CDK8: variants seen among roughly 807,000 people sequenced by gnomAD.
CDK8 encodes the protein cyclin dependent kinase 8, also known as cyclin-dependent kinase 8.
In CDK8, 29 loss-of-function variants were observed where a neutral mutation model predicts 71.5. That is an observed-to-expected ratio of 0.41 (90% CI 0.30 to 0.55). The LOEUF (loss-of-function observed/expected upper bound fraction) is 0.55. Ranked by LOEUF, CDK8 falls within the 20% of genes least tolerant of loss-of-function variation. CDK8 has a pLI of 0.37. For synonymous variants in CDK8, 161 were observed against 192.1 expected (o/e 0.84, Z 1.34); for missense variants, 288 against 572.6 (o/e 0.50, Z 5.07).
chr13:26,284,109 A>G (rs865876916), intron 1 of CDK8, among the ~76,000 whole-genome samples: 2 of 152,208 alleles, frequency 1.3e-5, no homozygotes, highest in Non-Finnish European at 2.9e-5. Context: ...ATAGTGACAC[A>G]ACTTACCAAA....
intron 5 of CDK8, among the ~76,000 whole-genome samples, chr13:26,384,704 C>A (rs1875392817): frequency 6.6e-6 from 1 of 152,092 alleles, no homozygotes; most frequent in South Asian, 2.1e-4. Flanking sequence ...AAAAAAAATA[C>A]TGTGATTCCT....
intron 1 of CDK8, among the ~76,000 whole-genome samples, chr13:26,272,232 C>G (rs1161613931): frequency 6.6e-6 from 1 of 151,890 alleles, no homozygotes; most frequent in East Asian, 1.9e-4. Context: ...TGGGTCACAC[C>G]TGTAATCCCA....
At chr13:26,339,728 T>TTTA (rs1373410953) in intron 2 of CDK8, among the ~76,000 whole-genome samples, 2 of 116,428 alleles carry the variant, frequency 1.7e-5, no homozygotes, top group Non-Finnish European at 3.7e-5. Context: ...TATTTATTTA[T>TTTA]TTTATTTATA....
intron 1 of CDK8, among the ~76,000 whole-genome samples, chr13:26,279,620 C>T (rs1418325803): frequency 6.6e-6 from 1 of 151,800 alleles, no homozygotes; most frequent in Non-Finnish European, 1.5e-5. Flanking sequence ...GTGGTAGTGG[C>T]GTAGGGATTC....
At chr13:26,397,261 T>A (rs1469854552) in intron 9 of CDK8, 36 bp downstream of exon 9, 2 of 1,349,962 alleles carry the variant, frequency 1.5e-6, no homozygotes, top group Non-Finnish European at 2.1e-6. Context: ...GAAATGCATT[T>A]TTTCCTTAAT....
rs1007561495 is a variant in CDK8, at chr13:26,404,511, C to T, written c.*430C>T. On this transcript the variant is annotated 3_prime_UTR_variant, in exon 13 of 13. Transcript: ENST00000381527. ...AAGTTTAACTGGTACTTGAAACATA[C>T]AGTATATGTTAACGAAATAACCAAG... 7 of 237,150 alleles carry T rather than the reference C, an allele frequency of 3.0e-5. No individual in the cohort carries two copies. The highest frequency in any genetic ancestry group is 5.4e-5 in the Admixed American group (1 of 18,666). The allele number at this position is 237,150 out of a possible 1,614,324, so 14.7% of individuals were successfully genotyped here.
At chr13:26,370,231 C>G (rs1425330184) in intron 4 of CDK8, among the ~76,000 whole-genome samples, 1 of 152,164 alleles carries the variant, frequency 6.6e-6, no homozygotes, top group Non-Finnish European at 1.5e-5. Context: ...ACCATTATCA[C>G]CTGTAAATAC....
intron 4 of CDK8, among the ~76,000 whole-genome samples, chr13:26,360,789 A>G (rs1486182992): frequency 6.6e-6 from 1 of 152,204 alleles, no homozygotes; most frequent in Non-Finnish European, 1.5e-5. Context: ...GCATATCTAC[A>G]GACACATGCA....
intron 1 of CDK8, among the ~76,000 whole-genome samples, chr13:26,283,675 G>A (rs111820439): frequency 0.063 from 9,651 of 152,028 alleles, 993 homozygotes; most frequent in African/African-American, 0.22. Context: ...TGAGGCGGGC[G>A]GATCACAAGG....
chr13:26,333,574 G>C (rs1942743471), intron 1 of CDK8, among the ~76,000 whole-genome samples: 1 of 152,208 alleles, frequency 6.6e-6, no homozygotes, highest in South Asian at 2.1e-4. Flanking sequence ...GGCAGAGATA[G>C]TGACACTTTT....
chr13:26,290,676 A>C (rs1873251413), intron 1 of CDK8, among the ~76,000 whole-genome samples: 1 of 152,168 alleles, frequency 6.6e-6, no homozygotes, highest in Non-Finnish European at 1.5e-5. Flanking sequence ...CGTTGAAGTG[A>C]GTTGAGATAC....
chr13:26,258,064 C>A (rs1391770412), intron 1 of CDK8, among the ~76,000 whole-genome samples: 1 of 152,112 alleles, frequency 6.6e-6, no homozygotes, highest in Non-Finnish European at 1.5e-5. Context: ...ACTTTACATT[C>A]ATCATCTAGT....
At chr13:26,392,406 C>T (rs1365442989) in intron 6 of CDK8, among the ~76,000 whole-genome samples, 1 of 147,168 alleles carries the variant, frequency 6.8e-6, no homozygotes, top group African/African-American at 2.5e-5. Context: ...CGGCTCACTG[C>T]AGCCTCTGCC....
chr13:26,392,742 A>C (rs906163072), intron 6 of CDK8, among the ~76,000 whole-genome samples: 6 of 152,190 alleles, frequency 3.9e-5, no homozygotes, highest in African/African-American at 1.4e-4. Flanking sequence ...CTTTGGAAAA[A>C]AAACTTTGTT....
chr13:26,257,673 A>G (rs149629815), intron 1 of CDK8, among the ~76,000 whole-genome samples: 195 of 152,286 alleles, frequency 1.3e-3, no homozygotes, highest in African/African-American at 3.7e-3. Context: ...ATTTTGTTTT[A>G]AAGAGTAAGA....
At chr13:26,279,341 A>G (rs1461192542) in intron 1 of CDK8, among the ~76,000 whole-genome samples, 2 of 152,198 alleles carry the variant, frequency 1.3e-5, no homozygotes, top group African/African-American at 4.8e-5. Flanking sequence ...ACTAATTGCA[A>G]AAAAGAAAAT....
chr13:26,354,240 C>G (rs1873800091), intron 4 of CDK8, among the ~76,000 whole-genome samples: 1 of 152,166 alleles, frequency 6.6e-6, no homozygotes, highest in Non-Finnish European at 1.5e-5. Flanking sequence ...TGGGAGCCTA[C>G]TGCATACTAA....
chr13:26,393,576 G>A (rs1875853439), intron 7 of CDK8, 66 bp downstream of exon 7: 2 of 1,529,542 alleles, frequency 1.3e-6, no homozygotes, highest in East Asian at 4.6e-5. Context: ...TGTCTTCGTT[G>A]GAGAGGTATA....
chr13:26,272,722 G>A (rs1872388614), intron 1 of CDK8, among the ~76,000 whole-genome samples: 1 of 152,166 alleles, frequency 6.6e-6, no homozygotes, highest in African/African-American at 2.4e-5. Flanking sequence ...TATACATGAC[G>A]GGCAGTGCAG....
Sources: gnomAD v4.1 joint callset for allele counts (sites outside exome capture counted in the v4.1 genomes callset) on GRCh38, gnomAD v4.1.1 for gene constraint, MANE v1.5 for transcripts, NCBI Gene and HGNC (gene_info 2026-07-23, HGNC 2026-07-21) for gene names.